Variants in OMA1 observed in about 807,000 individuals in gnomAD.
OMA1 encodes the protein metalloendopeptidase OMA1, mitochondrial.
In OMA1, 38 loss-of-function variants were observed where a neutral mutation model predicts 30.9. The observed-to-expected ratio is 1.23, with a 90% CI of 0.95 to 1.61. The LOEUF is 1.61. OMA1 is among the 40% of genes most tolerant of loss of function. The pLI is 0.00. For synonymous variants in OMA1, 173 were observed against 121.9 expected (o/e 1.42, Z -2.76); for missense variants, 461 against 349.2 (o/e 1.32, Z -2.55).
At chr1:58,515,883 T>G (rs1646150983) in intron 7 of OMA1, among the ~76,000 whole-genome samples, 1 of 152,370 alleles carries the variant, frequency 6.6e-6, no homozygotes, top group South Asian at 2.1e-4. Context: ...TTTCCTGCTC[T>G]AAAAGTCTAT....
chr1:58,482,324 C>A (rs568768570), intron 8 of OMA1, among the ~76,000 whole-genome samples: 1 of 152,126 alleles, frequency 6.6e-6, no homozygotes. Context: ...CTAAAAGAAT[C>A]GTCCAATAGA....
In OMA1 at chr1:58,530,601, C is replaced by G. The variant is rs1646420464; in HGVS notation, c.1140G>C (p.Glu380Asp). ...LCQWIQSKLQ[E>D]YMFNRPYSRK... is the part of the protein sequence containing the mutation. ...ATTCAAGTTATTGTCTCAGACTTAC[C>G]TCCTGCAATTTAGACTGTATCCACT... Residue 380 changes from glutamate to aspartate, a missense_variant and splice_region_variant, in exon 6 of 9, where the codon GAG becomes GAC. Coordinates refer to ENST00000371226, the MANE Select transcript of OMA1 (RefSeq NM_145243.5). The G allele has an allele frequency of 2.3e-6, 2 of 871,326 alleles. No individual in the cohort carries two copies. Among genetic ancestry groups the G allele is most frequent in the Admixed American group, 1.7e-5 (1 of 59,054 alleles). 54.0% of individuals were successfully genotyped at this position (871,326 alleles called of 1,614,324 possible). A position where few individuals can be genotyped will look rare whatever the true frequency, so the allele number is the denominator to read the frequency against.
chr1:58,539,750 G>C (rs2100494398), intron 1 of OMA1, among the ~76,000 whole-genome samples: 1 of 152,290 alleles, frequency 6.6e-6, no homozygotes, highest in African/African-American at 2.4e-5. Flanking sequence ...CTAACAGATG[G>C]GAAACAGAGC....
At chr1:58,542,814 C>T (rs1379558166) in intron 1 of OMA1, among the ~76,000 whole-genome samples, 1 of 152,156 alleles carries the variant, frequency 6.6e-6, no homozygotes, top group Non-Finnish European at 1.5e-5. Flanking sequence ...ACATTCATCC[C>T]TAGCAACCCC....
At chr1:58,495,665 G>T (rs1042219881) in intron 8 of OMA1, among the ~76,000 whole-genome samples, 1 of 151,058 alleles carries the variant, frequency 6.6e-6, no homozygotes, top group South Asian at 2.1e-4. Flanking sequence ...CTGACATATT[G>T]TCCTATGTGT....
chr1:58,524,594 T>C (rs1001926664), intron 7 of OMA1, among the ~76,000 whole-genome samples: 8 of 152,238 alleles, frequency 5.3e-5, no homozygotes, highest in African/African-American at 1.9e-4. Context: ...GTTGCAGCTA[T>C]GACTTCACAA....
chr1:58,535,118 A>C (rs1224118561), intron 3 of OMA1, among the ~76,000 whole-genome samples: 1 of 152,214 alleles, frequency 6.6e-6, no homozygotes, highest in Non-Finnish European at 1.5e-5. Flanking sequence ...GATTGAAAGG[A>C]AATTACTGAA....
At chr1:58,515,400 T>C (rs932282575) in intron 7 of OMA1, among the ~76,000 whole-genome samples, 6 of 152,190 alleles carry the variant, frequency 3.9e-5, no homozygotes, top group Non-Finnish European at 8.8e-5. Flanking sequence ...CAGCAGGTCA[T>C]TTCACCAATC....
rs377593099 is a variant in OMA1, at chr1:58,502,178, T to C, written c.1365+3882A>G. On this transcript the variant is annotated intron_variant, in intron 8 of 8. Transcript: ENST00000371226. ...AGGGATCCAATAAGAAATAAAAATA[T>C]ACAATCTTCAATAAGCTAAAGTTTA... 2.0e-4 allele frequency among the ~76,000 whole-genome samples: 30 copies of C among 152,320 alleles called. No homozygotes were observed. The South Asian group carries it at 6.0e-3, about 30-fold the overall frequency.
rs1646420312 is a variant in OMA1 at position 58,530,587 on chromosome 1, T to A, written c.1140+14A>T. 1.2e-6 allele frequency: 1 copy of A among 867,036 alleles called. No individual in the cohort carries two copies. The highest frequency in any genetic ancestry group is 2.0e-6 in the Non-Finnish European group (1 of 498,654). The allele number at this position is 867,036 out of a possible 1,614,324, so 53.7% of individuals were successfully genotyped here. On this transcript the variant is annotated intron_variant, in intron 6 of 8. Coordinates refer to ENST00000371226, the MANE Select transcript of OMA1 (RefSeq NM_145243.5). ...AGAGGCTATGATCAATTCAAGTTAT[T>A]GTCTCAGACTTACCTCCTGCAATTT...
chr1:58,488,247 T>A (rs1016319344), intron 8 of OMA1, among the ~76,000 whole-genome samples: 12 of 152,208 alleles, frequency 7.9e-5, no homozygotes, highest in Non-Finnish European at 1.6e-4. Context: ...TTTCATGTGG[T>A]TATCCATCTT....
chr1:58,512,554 A>AT (rs1646095818), intron 7 of OMA1, among the ~76,000 whole-genome samples: 1 of 152,216 alleles, frequency 6.6e-6, no homozygotes, highest in African/African-American at 2.4e-5. Flanking sequence ...ATACATCAAA[A>AT]TATTATTTGG....
intron 7 of OMA1, among the ~76,000 whole-genome samples, chr1:58,523,977 A>G (rs1026762801): frequency 5.3e-5 from 8 of 152,216 alleles, no homozygotes; most frequent in Admixed American, 2.0e-4. Context: ...GATGGAACCA[A>G]TCCAGAAAAA....
chr1:58,481,026 G>C lies in OMA1; in HGVS notation c.1514C>G (p.Pro505Arg). 1 of 871,488 alleles carries C rather than the reference G, an allele frequency of 1.1e-6. No homozygotes were observed. The highest frequency in any genetic ancestry group is 1.3e-5 in the South Asian group (1 of 76,464). 54.0% of individuals were successfully genotyped at this position (871,488 alleles called of 1,614,324 possible). ...TGGTATTTGCTCCTGTTTTTGAATA[G>C]GAAGAGTATCCATTTTCTGTTTCTT... ...ITKKQKMDTL[P>R]IQKQEQIPLT... Residue 505 changes from proline (P) to arginine (R), a missense_variant, in exon 9 of 9, where the codon CCT becomes CGT. Transcript: ENST00000371226.
chr1:58,544,323 T>C (rs1646668099), intron 1 of OMA1, among the ~76,000 whole-genome samples: 1 of 152,138 alleles, frequency 6.6e-6, no homozygotes, highest in South Asian at 2.1e-4. Context: ...CCATAATGGA[T>C]GCTAGAGATA....
chr1:58,523,119 C>T (rs1374640651), intron 7 of OMA1, among the ~76,000 whole-genome samples: 1 of 152,186 alleles, frequency 6.6e-6, no homozygotes, highest in Admixed American at 6.5e-5. Flanking sequence ...ATTTTGGAAG[C>T]ACTCATCTCC....
intron 5 of OMA1, among the ~76,000 whole-genome samples, chr1:58,532,342 G>A (rs1646446702): frequency 6.6e-6 from 1 of 152,082 alleles, no homozygotes; most frequent in Admixed American, 6.5e-5. Context: ...ACAATACACT[G>A]AATATAAGGC....
chr1:58,500,265 G>C (rs1356613558), intron 8 of OMA1, among the ~76,000 whole-genome samples: 9 of 152,018 alleles, frequency 5.9e-5, no homozygotes. Context: ...TTCAATTACA[G>C]CAGCTGCTAT....
At chr1:58,505,748 T>C (rs7534613) in intron 8 of OMA1, among the ~76,000 whole-genome samples, 3,359 of 152,262 alleles carry the variant, frequency 0.022, 33 homozygotes, top group Middle Eastern at 0.034. Flanking sequence ...ATCATCAACA[T>C]GTTTAAAAAA....
Sources: allele counts gnomAD v4.1 joint callset (sites outside exome capture counted in the v4.1 genomes callset), GRCh38; gene constraint gnomAD v4.1.1; transcripts MANE v1.5; gene names NCBI Gene and HGNC (gene_info 2026-07-23, HGNC 2026-07-21).